Variants in CYFIP1 observed in about 807,000 individuals in gnomAD.
CYFIP1 encodes cytoplasmic FMR1 interacting protein 1.
CYFIP1 carries 58 observed loss-of-function variants against 163.5 expected under a neutral mutation model. The observed-to-expected ratio is 0.35, with a 90% CI of 0.29 to 0.44. The LOEUF is 0.44. Among genes scored for constraint, CYFIP1 ranks in the 20% least tolerant of loss-of-function variants. The pLI, the probability that CYFIP1 is intolerant of heterozygous loss-of-function variation, is 1.00. For missense variants in CYFIP1, 1,338 were observed against 1,653.8 expected (o/e 0.81, Z 3.31); for synonymous variants, 663 against 660.7 (o/e 1.00, Z -0.05).
intron 1 of CYFIP1, among the ~76,000 whole-genome samples, chr15:22,978,977 G>A (rs533513588): frequency 5.7e-4 from 87 of 152,254 alleles, no homozygotes; most frequent in Non-Finnish European, 1.1e-3. Flanking sequence ...ACACCAAAAA[G>A]TGAATCTTAC....
intron 13 of CYFIP1, among the ~76,000 whole-genome samples, chr15:22,924,136 C>T (rs903501535): frequency 2.0e-5 from 3 of 152,120 alleles, no homozygotes; most frequent in Non-Finnish European, 4.4e-5. Flanking sequence ...GAAAATTATG[C>T]TAAGTGGCCT....
chr15:22,902,468 G>A (rs2060426445), intron 22 of CYFIP1, among the ~76,000 whole-genome samples: 1 of 152,188 alleles, frequency 6.6e-6, no homozygotes, highest in South Asian at 2.1e-4. Flanking sequence ...CCTCTGGGGA[G>A]TTCACTCATT....
chr15:22,956,487 TGTGA>T (rs1762559614), intron 1 of CYFIP1, among the ~76,000 whole-genome samples: 1 of 152,060 alleles, frequency 6.6e-6, no homozygotes, highest in Non-Finnish European at 1.5e-5. Context: ...AGTTTGTATG[TGTGA>T]GTGTGTATGT....
chr15:22,933,977 A>G, intron 9 of CYFIP1, 84 bp from the exon 10 acceptor site: 3 of 931,098 alleles, frequency 3.2e-6, no homozygotes, highest in Non-Finnish European at 3.3e-6. Context: ...ACTAATGCTA[A>G]TAATTACTTC....
At position 22,917,499 on chromosome 15, in the gene CYFIP1, G is replaced by T; in HGVS notation, c.1674+289C>A. On this transcript the variant is annotated intron_variant, in intron 15 of 30. Transcript: ENST00000617928. This position sits in a 1 kb window ranked among gnomAD's most constrained non-coding sequence, Gnocchi z 4.2. ...AAACACCCATCAAGAAACACAGAATGAATACAGACACGTGGACTTGTGCCC... is the reference window on the plus strand; with the variant it reads ...AAACACCCATCAAGAAACACAGAATTAATACAGACACGTGGACTTGTGCCC... 1 of 542,050 alleles carries T rather than the reference G, an allele frequency of 1.8e-6. No individual in the cohort carries two copies. Among genetic ancestry groups the T allele is most frequent in the South Asian group, 2.9e-5 (1 of 34,118 alleles). 33.6% of individuals were successfully genotyped at this position (542,050 alleles called of 1,614,324 possible). A position where few individuals can be genotyped will look rare whatever the true frequency, so the allele number is the denominator to read the frequency against.
intron 22 of CYFIP1, among the ~76,000 whole-genome samples, chr15:22,896,870 C>A (rs2060252542): frequency 6.6e-6 from 1 of 152,050 alleles, no homozygotes; most frequent in Non-Finnish European, 1.5e-5. Flanking sequence ...GGGCACTGGG[C>A]ATTTCAGTGC....
intron 23 of CYFIP1, among the ~76,000 whole-genome samples, 157 bp downstream of exon 23, chr15:22,892,733 A>C (rs1316786627): frequency 6.6e-6 from 1 of 152,162 alleles, no homozygotes; most frequent in Non-Finnish European, 1.5e-5. Context: ...AATTACTGCT[A>C]CTTTTCAGGA....
At chr15:22,929,781 A>T (rs1403810515) in intron 11 of CYFIP1, among the ~76,000 whole-genome samples, 1 of 140,846 alleles carries the variant, frequency 7.1e-6, no homozygotes, top group East Asian at 2.2e-4. Context: ...TAAAAATACA[A>T]AAAAATTAGC....
intron 1 of CYFIP1, chr15:22,948,178 C>T (rs1328500826): frequency 5.9e-6 from 1 of 170,908 alleles, no homozygotes; most frequent in Non-Finnish European, 1.2e-5. Flanking sequence ...AGAAGGGAAG[C>T]TCTCCAGGGA....
intron 16 of CYFIP1, chr15:22,915,126 G>A (rs1457453995): frequency 5.5e-6 from 2 of 362,724 alleles, no homozygotes; most frequent in East Asian, 4.3e-5. Flanking sequence ...CAGGGGGAAA[G>A]TGTCTTTTTT....
At chr15:22,902,344 C>T (rs2060421880) in intron 22 of CYFIP1, among the ~76,000 whole-genome samples, 1 of 152,190 alleles carries the variant, frequency 6.6e-6, no homozygotes, top group South Asian at 2.1e-4. Flanking sequence ...GCCTGGCCAT[C>T]CCCTCCCTGC....
chr15:22,975,044 A>T (rs967651225), intron 1 of CYFIP1, among the ~76,000 whole-genome samples: 1 of 151,942 alleles, frequency 6.6e-6, no homozygotes, highest in Admixed American at 6.6e-5. Context: ...CCACGTGATG[A>T]GTAGTCAGTT....
At chr15:22,881,086 G>A (rs1406970077) in intron 25 of CYFIP1, among the ~76,000 whole-genome samples, 3 of 152,118 alleles carry the variant, frequency 2.0e-5, no homozygotes, top group Non-Finnish European at 2.9e-5. Context: ...ACACCTTATC[G>A]TCTCCTCAAA....
rs192960356 is a variant in CYFIP1 at position 22,976,623 on chromosome 15, A to G, written c.-7+3664T>C. ...ATTTTGAAAGAGAGAACACATTTATATAACTTTTATTCAGTATATAATTAT... is the reference window on the plus strand; with the variant it reads ...ATTTTGAAAGAGAGAACACATTTATGTAACTTTTATTCAGTATATAATTAT... On this transcript the variant is annotated intron_variant, in intron 1 of 30. Transcript: ENST00000617928. Among the ~76,000 whole-genome samples the G allele has an allele frequency of 1.5e-3, 205 of 133,844 alleles. 1 individual carries two copies. Among genetic ancestry groups the G allele is most frequent in the African/African-American group, 4.9e-3 (198 of 40,030 alleles). 87.8% of individuals were successfully genotyped at this position (133,844 alleles called of 152,430 possible).
At position 22,910,756 on chromosome 15, in the gene CYFIP1, A is replaced by C. The variant is rs772097832; in HGVS notation, c.2140T>G (p.Tyr714Asp). The change falls in exon 19 of 31, where the codon TAT becomes GAT. Residue 714 changes from tyrosine to aspartate, a missense_variant. Physicochemically the swap from Tyr to Asp is radical, Grantham distance 160 (BLOSUM62 -3). Transcript: ENST00000617928. ...YKLADQIFAY[Y>D]KVMAGSLLLD... Reference sequence around the variant, plus strand: ...ACTCACCTTCCTGCCATAACCTTATAATAGGCAAATATCTGGTCTGCTAGC... The same window carrying C: ...ACTCACCTTCCTGCCATAACCTTATCATAGGCAAATATCTGGTCTGCTAGC... 6.2e-7 allele frequency: 1 copy of C among 1,613,868 alleles called. No individual in the cohort carries two copies. Among genetic ancestry groups the C allele is most frequent in the Non-Finnish European group, 8.5e-7 (1 of 1,179,712 alleles).
chr15:22,914,396 A>C (rs2142086746), intron 17 of CYFIP1, among the ~76,000 whole-genome samples: 1 of 151,524 alleles, frequency 6.6e-6, no homozygotes, highest in South Asian at 2.1e-4. Context: ...ATTAATCTCT[A>C]AAGCTTTACC....
At chr15:22,912,075 A>T in intron 18 of CYFIP1, 104 bp downstream of exon 18, 1 of 1,061,640 alleles carries the variant, frequency 9.4e-7, no homozygotes, top group Non-Finnish European at 1.4e-6. Flanking sequence ...CGTGGTTTAT[A>T]CTGTCTTATA....
In CYFIP1 at chr15:22,873,650, A is replaced by T; in HGVS notation, c.3290T>A (p.Leu1097Gln). Residue 1097 changes from leucine (L) to glutamine (Q), a missense_variant, in exon 29 of 31, where the codon CTG becomes CAG. Physicochemically the swap from Leu to Gln is moderately radical, Grantham distance 113 (BLOSUM62 -2). Transcript: ENST00000617928. Reference sequence around the variant, plus strand: ...ATCCAGAAAGCTCCGGATCCGTGTCAGGATGACCTCAAACATGGACAGGCC... The same window carrying T: ...ATCCAGAAAGCTCCGGATCCGTGTCTGGATGACCTCAAACATGGACAGGCC... ...CCGLSMFEVI[L>Q]TRIRSFLDDP... is the part of the protein sequence containing the mutation. 2.5e-6 allele frequency: 4 copies of T among 1,614,260 alleles called. No individual in the cohort carries two copies. Among genetic ancestry groups the T allele is most frequent in the Non-Finnish European group, 3.4e-6 (4 of 1,180,044 alleles).
chr15:22,874,675 T>C (rs777582641), intron 27 of CYFIP1, 31 bp from the exon 28 acceptor site: 1 of 1,481,098 alleles, frequency 6.8e-7, no homozygotes, highest in Non-Finnish European at 9.1e-7. Context: ...TACTATATTC[T>C]GCTCCTTTGT....
Sources: allele counts gnomAD v4.1 joint callset (sites outside exome capture counted in the v4.1 genomes callset), GRCh38; gene constraint gnomAD v4.1.1; non-coding constraint Gnocchi (gnomAD v3.1); transcripts MANE v1.5; gene names NCBI Gene and HGNC (gene_info 2026-07-23, HGNC 2026-07-21).